TSPAN5: variants seen among roughly 807,000 people sequenced by gnomAD.
The protein encoded by TSPAN5 is tetraspanin 5.
A neutral mutation model predicts 37.1 loss-of-function variants in TSPAN5; 10 were observed. The ratio of observed to expected loss-of-function variants is 0.27; its 90% CI spans 0.17 to 0.46. TSPAN5 has a LOEUF of 0.46. Among genes scored for constraint, TSPAN5 ranks in the 20% least tolerant of loss-of-function variants. The pLI is 1.00. For missense variants in TSPAN5, 195 were observed against 326.6 expected (o/e 0.60, Z 3.11); for synonymous variants, 110 against 118.9 (o/e 0.93, Z 0.48).
chr4:98,632,526 G>A (rs774182848), intron 1 of TSPAN5, among the ~76,000 whole-genome samples: 4 of 152,098 alleles, frequency 2.6e-5, no homozygotes, highest in Non-Finnish European at 5.9e-5. Flanking sequence ...GGACTTCAGG[G>A]GTATACCAGC....
At chr4:98,481,958 A>G (rs576000355) in intron 4 of TSPAN5, 47 bp downstream of exon 4, 1 of 1,593,276 alleles carries the variant, frequency 6.3e-7, no homozygotes, top group African/African-American at 1.3e-5. Flanking sequence ...CACTGGGGTC[A>G]TCGTTCAGAG....
chr4:98,513,859 C>CAAAT (rs755598333), intron 1 of TSPAN5, among the ~76,000 whole-genome samples: 1 of 127,600 alleles, frequency 7.8e-6, no homozygotes, highest in African/African-American at 3.0e-5. Context: ...TCATAAAAAG[C>CAAAT]AAATAGATAG....
At chr4:98,651,772 G>A (rs538652545) in intron 1 of TSPAN5, among the ~76,000 whole-genome samples, 3 of 151,520 alleles carry the variant, frequency 2.0e-5, no homozygotes, top group Non-Finnish European at 4.4e-5. Flanking sequence ...AGGTAGGCAC[G>A]ATACAATGGA....
chr4:98,503,815 TTA>T (rs1370308393), intron 2 of TSPAN5, among the ~76,000 whole-genome samples: 2 of 152,218 alleles, frequency 1.3e-5, no homozygotes, highest in African/African-American at 4.8e-5. Context: ...TCAATAAATG[TTA>T]TCTGAATGAA....
At position 98,476,174 on chromosome 4, in the gene TSPAN5, G is replaced by A. The variant is rs192704110; in HGVS notation, c.741+15C>T. On this transcript the variant is annotated intron_variant, in intron 7 of 7. Transcript: ENST00000305798. The stretch of plus-strand genomic sequence containing the variant: ...ATTATTTCCCTGTGATATCCATAAA[G>A]GACCCTTATCTTACCTGCAGCAATG... 244 of 1,593,570 alleles carry A rather than the reference G, an allele frequency of 1.5e-4. No homozygotes were observed. The African/African-American group carries it at 2.8e-3, about 18-fold the overall frequency.
intron 1 of TSPAN5, among the ~76,000 whole-genome samples, chr4:98,563,394 G>A (rs75046819): frequency 2.0e-5 from 3 of 152,144 alleles, no homozygotes; most frequent in Admixed American, 6.5e-5. Context: ...TAAGCTTTCA[G>A]GGTCTTAACA....
chr4:98,583,595 G>C (rs1020075572), intron 1 of TSPAN5, among the ~76,000 whole-genome samples: 1 of 152,234 alleles, frequency 6.6e-6, no homozygotes, highest in African/African-American at 2.4e-5. Context: ...CGTTCAACTT[G>C]ATAAGAGAGG....
chr4:98,536,310 T>A (rs957389133), intron 1 of TSPAN5, among the ~76,000 whole-genome samples: 1 of 152,204 alleles, frequency 6.6e-6, no homozygotes, highest in Non-Finnish European at 1.5e-5. Flanking sequence ...AGATCCACTC[T>A]CAGCCCTGTT....
chr4:98,542,950 G>A (rs1754392729), intron 1 of TSPAN5, among the ~76,000 whole-genome samples: 1 of 152,132 alleles, frequency 6.6e-6, no homozygotes, highest in Admixed American at 6.5e-5. Context: ...AGATACTTCA[G>A]TCAGAGGACA....
chr4:98,542,367 GGAAGTCAA>G (rs1389612890), intron 1 of TSPAN5, among the ~76,000 whole-genome samples: 1 of 152,156 alleles, frequency 6.6e-6, no homozygotes, highest in African/African-American at 2.4e-5. Context: ...AATTAAATAT[GGAAGTCAA>G]GAAATAGTTG....
At chr4:98,618,537 G>A (rs951883191) in intron 1 of TSPAN5, among the ~76,000 whole-genome samples, 1 of 151,086 alleles carries the variant, frequency 6.6e-6, no homozygotes, top group African/African-American at 2.5e-5. Context: ...TTATATGTAC[G>A]ATTCACTAAA....
intron 1 of TSPAN5, among the ~76,000 whole-genome samples, chr4:98,643,823 C>T (rs1284906951): frequency 6.6e-6 from 1 of 152,182 alleles, no homozygotes; most frequent in African/African-American, 2.4e-5. Context: ...CCAAAGAAAA[C>T]ACTATTTTCC....
intron 1 of TSPAN5, among the ~76,000 whole-genome samples, chr4:98,588,600 T>C (rs1178305893): frequency 6.6e-6 from 1 of 152,222 alleles, no homozygotes. Flanking sequence ...TTTCTCATTA[T>C]TCCCAATGCT....
At chr4:98,618,083 A>C (rs1453266659) in intron 1 of TSPAN5, among the ~76,000 whole-genome samples, 1 of 152,254 alleles carries the variant, frequency 6.6e-6, no homozygotes, top group Non-Finnish European at 1.5e-5. Context: ...CGGAAAGGGA[A>C]GAACCACTGT....
At chr4:98,510,172 T>C (rs1051426038) in intron 1 of TSPAN5, among the ~76,000 whole-genome samples, 2 of 152,204 alleles carry the variant, frequency 1.3e-5, no homozygotes, top group Non-Finnish European at 2.9e-5. Context: ...ATCCCCTTTT[T>C]AGGAAAGAGG....
intron 1 of TSPAN5, among the ~76,000 whole-genome samples, chr4:98,592,480 C>T (rs1755669672): frequency 7.4e-6 from 1 of 135,858 alleles, no homozygotes; most frequent in African/African-American, 2.9e-5. Context: ...TACATGTGCA[C>T]ATTGTGCAGG....
At chr4:98,502,758 C>T (rs1185147287) in intron 2 of TSPAN5, among the ~76,000 whole-genome samples, 1 of 152,046 alleles carries the variant, frequency 6.6e-6, no homozygotes, top group Non-Finnish European at 1.5e-5. Context: ...CAAGGGCACA[C>T]ATAAGTGAAT....
chr4:98,634,835 A>C (rs900105035), intron 1 of TSPAN5, among the ~76,000 whole-genome samples: 3 of 152,234 alleles, frequency 2.0e-5, no homozygotes, highest in Admixed American at 6.5e-5. Context: ...TATAAACCCA[A>C]CTGGACAGAG....
chr4:98,585,936 T>G (rs1755475928), intron 1 of TSPAN5, among the ~76,000 whole-genome samples: 1 of 152,196 alleles, frequency 6.6e-6, no homozygotes, highest in Non-Finnish European at 1.5e-5. Flanking sequence ...TGGGCTGAAA[T>G]TTTGCTCTCT....
Sources: gnomAD v4.1 joint callset for allele counts (sites outside exome capture counted in the v4.1 genomes callset) on GRCh38, gnomAD v4.1.1 for gene constraint, MANE v1.5 for transcripts, NCBI Gene and HGNC (gene_info 2026-07-23, HGNC 2026-07-21) for gene names.